ABR: variants seen among roughly 807,000 people sequenced by gnomAD.
The protein encoded by ABR is ABR activator of RhoGEF and GTPase, also known as active breakpoint cluster region-related protein.
Under a neutral mutation model 107.2 loss-of-function variants are expected in ABR, and 35 were observed. That is an observed-to-expected ratio of 0.33 (90% CI 0.25 to 0.43). The LOEUF is 0.43. Ranked by LOEUF, ABR falls within the 20% of genes least tolerant of loss-of-function variation. ABR has a pLI of 1.00. For synonymous variants in ABR, 498 were observed against 462.0 expected (o/e 1.08, Z -1.00); for missense variants, 815 against 1,115.2 (o/e 0.73, Z 3.83).
intron 16 of ABR, among the ~76,000 whole-genome samples, chr17:1,018,232 C>T (rs193178310): frequency 0.015 from 2,348 of 151,556 alleles, 26 homozygotes; most frequent in Middle Eastern, 0.034. Context: ...TTAGTAGAGA[C>T]GGGGTTTCAC....
In ABR at chr17:1,179,935, C is replaced by T. The variant is rs1243121241; in HGVS notation, c.-208G>A. 182 of 424,074 alleles carry T rather than the reference C, an allele frequency of 4.3e-4. 1 individual carries two copies. The East Asian group carries it at 6.5e-3, about 15-fold the overall frequency. 26.3% of individuals were successfully genotyped at this position (424,074 alleles called of 1,614,324 possible). A position where few individuals can be genotyped will look rare whatever the true frequency, so the allele number is the denominator to read the frequency against. On this transcript the variant is annotated 5_prime_UTR_variant, in exon 1 of 23. Transcript: ENST00000302538. The surrounding 1 kb of genome is among the most constrained non-coding windows in gnomAD (Gnocchi z 4.9). ...CAAAACCCTCCCGAACCCTCCCGGC[C>T]CCAGCGGCCGCGCCGAGCCCAGCTG...
rs2150717387 is a variant in ABR at position 1,010,267 on chromosome 17, G to A, written c.2236+462C>T. 2 of 224,822 alleles carry A rather than the reference G, an allele frequency of 8.9e-6. No individual in the cohort carries two copies. The highest frequency in any genetic ancestry group is 1.0e-4 in the Admixed American group (2 of 19,638). 13.9% of individuals were successfully genotyped at this position (224,822 alleles called of 1,614,324 possible). The stretch of plus-strand genomic sequence containing the variant: ...TTCCTTGGGGCTGGGTTTGGCCCAG[G>A]TGGGTGGAGGCGGAAGGCCTGCTGG... On this transcript the variant is annotated intron_variant, in intron 20 of 22. Coordinates refer to ENST00000302538, the MANE Select transcript of ABR (RefSeq NM_021962.5). This position sits in a 1 kb window ranked among gnomAD's most constrained non-coding sequence, Gnocchi z 4.1.
chr17:1,183,744 T>C (rs528986020), upstream of ABR, among the ~76,000 whole-genome samples: 40 of 151,936 alleles, frequency 2.6e-4, no homozygotes, highest in Non-Finnish European at 4.4e-4. Context: ...ATGACAAAAA[T>C]ATGTTCCCAT....
intron 16 of ABR, among the ~76,000 whole-genome samples, chr17:1,036,659 C>T (rs980582584): frequency 5.3e-5 from 8 of 151,882 alleles, no homozygotes; most frequent in African/African-American, 1.2e-4. Context: ...ACAGGGCGTG[C>T]GAGTTGGGCG....
chr17:1,115,609 C>T (rs1455183330), intron 2 of ABR, among the ~76,000 whole-genome samples: 2 of 152,250 alleles, frequency 1.3e-5, no homozygotes, highest in African/African-American at 2.4e-5. Flanking sequence ...ACTCCAAAAT[C>T]ATATACATAG....
chr17:1,007,985 C>T (rs533101868), intron 21 of ABR, among the ~76,000 whole-genome samples: 3 of 152,350 alleles, frequency 2.0e-5, no homozygotes, highest in South Asian at 2.1e-4. Flanking sequence ...GGACTGTCCC[C>T]CCGTGCCTGT....
At position 1,050,302 on chromosome 17, in the gene ABR, CA is replaced by C; in HGVS notation, c.1660-122del. The C allele has an allele frequency of 1.1e-5, 15 of 1,335,412 alleles. No individual in the cohort carries two copies. Among genetic ancestry groups the C allele is most frequent in the Non-Finnish European group, 1.5e-5 (15 of 986,580 alleles). 82.7% of individuals were successfully genotyped at this position (1,335,412 alleles called of 1,614,324 possible). On this transcript the variant is annotated intron_variant, in intron 15 of 22. Transcript: ENST00000302538. The surrounding 1 kb of genome is among the most constrained non-coding windows in gnomAD (Gnocchi z 4.6). Reference sequence around the variant, plus strand: ...TAAGCACGGCCCACGAAGGACACGTCAGATTTTCTGGAGCTCCCAGAGGCCT... The same window carrying C: ...TAAGCACGGCCCACGAAGGACACGTCGATTTTCTGGAGCTCCCAGAGGCCT...
rs538443051 is a variant in ABR at position 1,051,682 on chromosome 17, C to T, written c.1562-1048G>A. ...GGACACTATGGCCAACCCTCTGCAG[C>T]GTGAAACAACGTCAGAGGTCACAGT... On this transcript the variant is annotated intron_variant, in intron 14 of 22. Transcript: ENST00000302538. The surrounding 1 kb of genome is among the most constrained non-coding windows in gnomAD (Gnocchi z 4.3). Among the ~76,000 whole-genome samples, 2 of 152,306 alleles carry T rather than the reference C, an allele frequency of 1.3e-5. No homozygotes were observed. Among genetic ancestry groups the T allele is most frequent in the East Asian group, 1.9e-4 (1 of 5,184 alleles).
At chr17:1,146,425 G>C (rs970308977) in intron 1 of ABR, among the ~76,000 whole-genome samples, 1 of 152,100 alleles carries the variant, frequency 6.6e-6, no homozygotes, top group Non-Finnish European at 1.5e-5. Flanking sequence ...CTGAGCTCTG[G>C]CTTCCCCAAA....
At chr17:1,226,006 G>A (rs550132793) in intron 1 of ABR, among the ~76,000 whole-genome samples, 2 of 152,232 alleles carry the variant, frequency 1.3e-5, no homozygotes, top group East Asian at 3.9e-4. Flanking sequence ...GCATAGAACC[G>A]AAACGGAGTC....
intron 1 of ABR, among the ~76,000 whole-genome samples, chr17:1,211,598 C>T (rs182674945): frequency 7.8e-4 from 119 of 152,318 alleles, no homozygotes; most frequent in Middle Eastern, 6.8e-3. Context: ...ACACTATTAA[C>T]ACATCCATTT....
At chr17:1,116,444 T>C (rs12939615) in intron 2 of ABR, among the ~76,000 whole-genome samples, 119,686 of 151,966 alleles carry the variant, frequency 0.79, 47,318 homozygotes, top group East Asian at 0.88. Flanking sequence ...AATTACGGCA[T>C]CAACTCTAGG....
rs1597314145 is a variant in ABR, at chr17:1,003,850, A to G, written c.*2230T>C. 1 of 152,374 alleles carries G rather than the reference A, an allele frequency of 6.6e-6. No individual in the cohort carries two copies. The highest frequency in any genetic ancestry group is 1.5e-5 in the Non-Finnish European group (1 of 68,124). 9.4% of individuals were successfully genotyped at this position (152,374 alleles called of 1,614,324 possible). A position where few individuals can be genotyped will look rare whatever the true frequency, so the allele number is the denominator to read the frequency against. On this transcript the variant is annotated 3_prime_UTR_variant, in exon 23 of 23. Coordinates refer to ENST00000302538, the MANE Select transcript of ABR (RefSeq NM_021962.5). ...CTGGCTCCTGACTCCTGCCGGGCGC[A>G]GTGACTGGAGGTTTCGGGCTGCATG...
At chr17:1,044,199 A>AGG (rs35493163) in intron 16 of ABR, among the ~76,000 whole-genome samples, 2 of 151,776 alleles carry the variant, frequency 1.3e-5, no homozygotes, top group African/African-American at 2.4e-5. Flanking sequence ...GAGCCGGTGG[A>AGG]GGGGGGGCTC....
rs1030107071 is a variant in ABR, at chr17:1,023,882, C to T, written c.1792-10718G>A. On this transcript the variant is annotated intron_variant, in intron 16 of 22. Coordinates refer to ENST00000302538, the MANE Select transcript of ABR (RefSeq NM_021962.5). Reference sequence around the variant, plus strand: ...TCTACTAAAAATACAAAAATTACCCCGGCGTGGTGGCACATGCCTGTAAAC... The same window carrying T: ...TCTACTAAAAATACAAAAATTACCCTGGCGTGGTGGCACATGCCTGTAAAC... Among the ~76,000 whole-genome samples, 6 of 151,954 alleles carry T rather than the reference C, an allele frequency of 3.9e-5. No homozygotes were observed. The East Asian group carries it at 5.8e-4, about 15-fold the overall frequency.
chr17:1,073,878 C>G (rs1423848501), intron 6 of ABR, among the ~76,000 whole-genome samples: 1 of 152,070 alleles, frequency 6.6e-6, no homozygotes, highest in Non-Finnish European at 1.5e-5. Context: ...GACACACAGC[C>G]CTGGCAGCCC....
intron 2 of ABR, among the ~76,000 whole-genome samples, chr17:1,106,744 G>A (rs12452479): frequency 0.091 from 13,822 of 152,110 alleles, 750 homozygotes; most frequent in East Asian, 0.26. Flanking sequence ...TGGTCAGGCT[G>A]ATCTCGAACT....
chr17:1,057,167 C>G (rs549496287), intron 12 of ABR, 65 bp from the exon 13 acceptor site: 1 of 1,089,456 alleles, frequency 9.2e-7, no homozygotes. Context: ...CTGCTCTTCC[C>G]TGGGGGCTGC....
In ABR at chr17:1,099,783, T is replaced by G. The variant is rs771047308; in HGVS notation, c.345+854A>C. ...ATCTGGGAGGGGAACTGAGGCATGT[T>G]ACCGAGGGCTGAGCTTGGCCTGATG... On this transcript the variant is annotated intron_variant, in intron 3 of 22. Coordinates refer to ENST00000302538, the MANE Select transcript of ABR (RefSeq NM_021962.5). Among the ~76,000 whole-genome samples the G allele has an allele frequency of 4.6e-5, 7 of 152,304 alleles. No homozygotes were observed. In the East Asian group the frequency reaches 1.4e-3, roughly 29 times the overall value.
Sources: allele counts gnomAD v4.1 joint callset (sites outside exome capture counted in the v4.1 genomes callset), GRCh38; gene constraint gnomAD v4.1.1; non-coding constraint Gnocchi (gnomAD v3.1); transcripts MANE v1.5; gene names NCBI Gene and HGNC (gene_info 2026-07-23, HGNC 2026-07-21).